Variants in SBNO2 observed in about 807,000 individuals in gnomAD.
The protein encoded by SBNO2 is protein strawberry notch homolog 2.
SBNO2 carries 89 observed loss-of-function variants against 146.3 expected under a neutral mutation model. That is an observed-to-expected ratio of 0.61 (90% CI 0.51 to 0.73). SBNO2 has a LOEUF of 0.73. Among genes scored for constraint, SBNO2 ranks in the 30% least tolerant of loss-of-function variants. SBNO2 has a pLI of 0.00. For synonymous variants in SBNO2, 1,147 were observed against 892.6 expected, an observed-to-expected ratio of 1.29 and a Z score of -5.08; for missense variants, 2,092 against 2,003.7, an observed-to-expected ratio of 1.04 and a Z score of -0.84.
At chr19:1,171,455 G>A (rs1183548317) in intron 1 of SBNO2, among the ~76,000 whole-genome samples, 1 of 152,186 alleles carries the variant, frequency 6.6e-6, no homozygotes, top group Non-Finnish European at 1.5e-5. Flanking sequence ...TGGCGTCATG[G>A]GGGGCTGCCT....
At position 1,110,601 on chromosome 19, in the gene SBNO2, G is replaced by A. The variant is rs537253504; in HGVS notation, c.3028+144C>T. 2.0e-4 allele frequency: 177 copies of A among 895,442 alleles called. No homozygotes were observed. In the East Asian group the frequency reaches 4.4e-3, roughly 22 times the overall value. The allele number at this position is 895,442 out of a possible 1,614,324, so 55.5% of individuals were successfully genotyped here. A position where few individuals can be genotyped will look rare whatever the true frequency, so the allele number is the denominator to read the frequency against. ...GTTCCCACGAGCCCCTCGCCCACCCGGGATGCACGGTGTTCCCACGAGCCC... is the reference window on the plus strand; with the variant it reads ...GTTCCCACGAGCCCCTCGCCCACCCAGGATGCACGGTGTTCCCACGAGCCC... On this transcript the variant is annotated intron_variant, in intron 26 of 31. Transcript: ENST00000361757. This position sits in a 1 kb window ranked among gnomAD's most constrained non-coding sequence, Gnocchi z 4.9.
At chr19:1,119,459 C>G in intron 13 of SBNO2, 57 bp downstream of exon 13, 1 of 1,351,492 alleles carries the variant, frequency 7.4e-7, no homozygotes, top group Non-Finnish European at 1.0e-6. Context: ...GCTGATGGGC[C>G]TGAGGCCTCC....
At position 1,150,732 on chromosome 19, in the gene SBNO2, T is replaced by C. The variant is rs112829904; in HGVS notation, c.94-1290A>G. 2.0e-5 allele frequency among the ~76,000 whole-genome samples: 3 copies of C among 152,264 alleles called. No individual in the cohort carries two copies. The highest frequency in any genetic ancestry group is 2.9e-5 in the Non-Finnish European group (2 of 67,988). On this transcript the variant is annotated intron_variant, in intron 2 of 31. Transcript: ENST00000361757. The surrounding 1 kb of genome is among the most constrained non-coding windows in gnomAD (Gnocchi z 6.2). ...GCCCTGCTCCTCTATGAGGCCCTGA[T>C]GCAATTCCCTGGGGCTCGGCCACCT...
At chr19:1,135,754 G>T (rs1051352954) in intron 4 of SBNO2, among the ~76,000 whole-genome samples, 3 of 152,220 alleles carry the variant, frequency 2.0e-5, no homozygotes, top group Admixed American at 2.0e-4. Context: ...AGGGAAACAG[G>T]CTACGGGGAT....
rs2079868742 is a variant in SBNO2, at chr19:1,119,178, C to T, written c.1374-14G>A. The T allele has an allele frequency of 1.3e-6, 2 of 1,586,852 alleles. No homozygotes were observed. Among genetic ancestry groups the T allele is most frequent in the Non-Finnish European group, 1.7e-6 (2 of 1,169,626 alleles). ...GCGCCAACGCCCCTGCGGATGGACA[C>T]AGCCCCCGTGAGCACGGCCAGAGCC... is the stretch of plus-strand genomic sequence containing the variant. On this transcript the variant is annotated splice_polypyrimidine_tract_variant and intron_variant, in intron 13 of 31. Coordinates refer to ENST00000361757, the MANE Select transcript of SBNO2 (RefSeq NM_014963.3).
rs1254753835 is a variant in SBNO2, at chr19:1,112,182, T to G, written c.2628+7A>C. 14 of 1,520,048 alleles carry G rather than the reference T, an allele frequency of 9.2e-6. No individual in the cohort carries two copies. Among genetic ancestry groups the G allele is most frequent in the Admixed American group, 1.8e-5 (1 of 55,316 alleles). 94.2% of individuals were successfully genotyped at this position (1,520,048 alleles called of 1,614,324 possible). ...CCTGGTTCTCAGCCCCACCCCCACC[T>G]GCTCACCAGACTCTCCAGGCGCTTG... On this transcript the variant is annotated splice_region_variant and intron_variant, in intron 22 of 31. Coordinates refer to ENST00000361757, the MANE Select transcript of SBNO2 (RefSeq NM_014963.3). This position sits in a 1 kb window ranked among gnomAD's most constrained non-coding sequence, Gnocchi z 5.9.
chr19:1,167,846 G>A (rs2080440817), intron 1 of SBNO2, among the ~76,000 whole-genome samples: 1 of 152,196 alleles, frequency 6.6e-6, no homozygotes, highest in African/African-American at 2.4e-5. Context: ...GGCCAGCCAG[G>A]AGCAAAGCCG....
chr19:1,114,157 A>C, intron 18 of SBNO2, 74 bp downstream of exon 18: 1 of 1,312,906 alleles, frequency 7.6e-7, no homozygotes, highest in Non-Finnish European at 1.0e-6. Flanking sequence ...TGGAATCCTG[A>C]CCCAGAGGTG....
chr19:1,122,850 G>T (rs1336027910), intron 8 of SBNO2, 44 bp downstream of exon 8: 9 of 1,537,592 alleles, frequency 5.9e-6, no homozygotes, highest in South Asian at 1.2e-5. Flanking sequence ...CTCCCCAGGG[G>T]CCTCGCGGAC....
chr19:1,160,520 C>T (rs991119531), intron 1 of SBNO2, among the ~76,000 whole-genome samples: 1 of 152,098 alleles, frequency 6.6e-6, no homozygotes, highest in African/African-American at 2.4e-5. Flanking sequence ...AGGCAGCTGG[C>T]TGGAGCCACC....
rs2080236339 is a variant in SBNO2, at chr19:1,150,872, G to C, written c.94-1430C>G. On this transcript the variant is annotated intron_variant, in intron 2 of 31. Coordinates refer to ENST00000361757, the MANE Select transcript of SBNO2 (RefSeq NM_014963.3). This position sits in a 1 kb window ranked among gnomAD's most constrained non-coding sequence, Gnocchi z 6.2. ...CAGGACCCCCGACAGCCTCGAGATA[G>C]GCAAAGCCCTCGGGGTGACCGCTGC... is the stretch of plus-strand genomic sequence containing the variant. Among the ~76,000 whole-genome samples the C allele has an allele frequency of 6.6e-6, 1 of 152,316 alleles. No individual in the cohort carries two copies. The highest frequency in any genetic ancestry group is 1.9e-4 in the East Asian group (1 of 5,182).
chr19:1,115,628 C>T (rs934715431), intron 17 of SBNO2: 1 of 288,810 alleles, frequency 3.5e-6, no homozygotes, highest in Non-Finnish European at 6.6e-6. Context: ...GGAGGCCACA[C>T]ACCAGACTTC....
intron 4 of SBNO2, among the ~76,000 whole-genome samples, chr19:1,135,609 C>G (rs963049705): frequency 4.6e-5 from 7 of 152,238 alleles, no homozygotes; most frequent in African/African-American, 1.7e-4. Flanking sequence ...GTGGCCCGGT[C>G]TCTCCCTCCG....
At chr19:1,120,960 C>T (rs1003243985) in intron 11 of SBNO2, among the ~76,000 whole-genome samples, 1 of 151,988 alleles carries the variant, frequency 6.6e-6, no homozygotes. Context: ...GGGGCAATCT[C>T]GGCTCACTGC....
intron 4 of SBNO2, among the ~76,000 whole-genome samples, chr19:1,142,843 T>C (rs574454334): frequency 6.6e-6 from 1 of 152,262 alleles, no homozygotes; most frequent in African/African-American, 2.4e-5. Flanking sequence ...GGTGGGTGCC[T>C]GTAGTCCCAG....
At chr19:1,111,114 C>T (rs376907651) in intron 24 of SBNO2, 21 bp from the exon 25 acceptor site, 8 of 1,541,156 alleles carry the variant, frequency 5.2e-6, no homozygotes, top group Non-Finnish European at 7.0e-6. Flanking sequence ...AGGGGCCTCA[C>T]ATGCTGGTCT....
Position 1,136,788 on chromosome 19 carries a change from CAG to C in SBNO2, c.280-9025_280-9024del, listed in dbSNP as rs1366128851. ...GCCTGCCTCCCTGCCTGAAAGCAGC[CAG>C]AGTTTGCAAAGCGCTTTTCTGAGCC... On this transcript the variant is annotated intron_variant, in intron 4 of 31. Transcript: ENST00000361757. This position sits in a 1 kb window ranked among gnomAD's most constrained non-coding sequence, Gnocchi z 4.2. Among the ~76,000 whole-genome samples, 6 of 152,174 alleles carry C rather than the reference CAG, an allele frequency of 3.9e-5. No individual in the cohort carries two copies. The highest frequency in any genetic ancestry group is 1.9e-4 in the East Asian group (1 of 5,172).
intron 1 of SBNO2, among the ~76,000 whole-genome samples, chr19:1,156,033 G>A (rs934401777): frequency 1.3e-5 from 2 of 152,180 alleles, no homozygotes; most frequent in African/African-American, 4.8e-5. Flanking sequence ...CAGGCCCCAC[G>A]GTGGACGGAG....
At chr19:1,159,218 C>A (rs2080320586) in intron 1 of SBNO2, among the ~76,000 whole-genome samples, 1 of 151,912 alleles carries the variant, frequency 6.6e-6, no homozygotes, top group South Asian at 2.1e-4. Context: ...GGCGATTTCA[C>A]AAGGCTCAGC....
Sources: gnomAD v4.1 joint callset for allele counts (sites outside exome capture counted in the v4.1 genomes callset) on GRCh38, gnomAD v4.1.1 for gene constraint, Gnocchi (gnomAD v3.1) non-coding constraint, MANE v1.5 for transcripts, NCBI Gene and HGNC (gene_info 2026-07-23, HGNC 2026-07-21) for gene names.